ARHGAP15: variants seen among roughly 807,000 people sequenced by gnomAD.
The protein encoded by ARHGAP15 is rho GTPase-activating protein 15.
In ARHGAP15, 51 loss-of-function variants were observed where a neutral mutation model predicts 63.7. That is an observed-to-expected ratio of 0.80 (90% CI 0.64 to 1.01). The LOEUF is 1.01. Ranked by LOEUF, ARHGAP15 falls within the 50% of genes least tolerant of loss-of-function variation. The pLI is 0.00. For synonymous variants in ARHGAP15, 191 were observed against 193.8 expected (o/e 0.99, Z 0.12); for missense variants, 560 against 564.6 (o/e 0.99, Z 0.08).
At chr2:143,618,819 A>C (rs1263679156) in intron 11 of ARHGAP15, among the ~76,000 whole-genome samples, 1 of 145,102 alleles carries the variant, frequency 6.9e-6, no homozygotes, top group Non-Finnish European at 1.5e-5. Flanking sequence ...ATACAAGAGG[A>C]AAGGGGTAAA....
chr2:143,323,476 A>G (rs1684112307), intron 6 of ARHGAP15, among the ~76,000 whole-genome samples: 1 of 152,226 alleles, frequency 6.6e-6, no homozygotes, highest in African/African-American at 2.4e-5. Flanking sequence ...AGCACACAAA[A>G]CTATAAACAC....
chr2:143,679,139 G>T (rs1025868646), intron 12 of ARHGAP15, among the ~76,000 whole-genome samples: 1 of 33,476 alleles, frequency 3.0e-5, no homozygotes, highest in East Asian at 1.3e-3. Context: ...ATCCACAAAG[G>T]CTAAAAAAAA....
intron 12 of ARHGAP15, among the ~76,000 whole-genome samples, chr2:143,650,927 A>C (rs1681129748): frequency 6.6e-6 from 1 of 151,904 alleles, no homozygotes; most frequent in South Asian, 2.1e-4. Flanking sequence ...TAGGTTGTGC[A>C]TTTTTGCTGT....
At chr2:143,395,888 T>C (rs7600333) in intron 6 of ARHGAP15, among the ~76,000 whole-genome samples, 122,704 of 151,652 alleles carry the variant, frequency 0.81, 49,873 homozygotes, top group East Asian at 0.94. Flanking sequence ...AGTGAGATGC[T>C]ATTGATGGTT....
intron 11 of ARHGAP15, among the ~76,000 whole-genome samples, chr2:143,621,355 C>T (rs1299969990): frequency 1.3e-5 from 2 of 150,578 alleles, no homozygotes; most frequent in Admixed American, 6.6e-5. Flanking sequence ...TGTAATAATG[C>T]CTGTTAACAC....
intron 3 of ARHGAP15, among the ~76,000 whole-genome samples, 160 bp downstream of exon 3, chr2:143,202,362 G>A (rs747831413): frequency 2.0e-5 from 3 of 152,012 alleles, no homozygotes; most frequent in Non-Finnish European, 4.4e-5. Context: ...CTCTCAAAAC[G>A]TTGCAACAAA....
chr2:143,499,787 T>C (rs1377335435), intron 9 of ARHGAP15, among the ~76,000 whole-genome samples: 1 of 152,128 alleles, frequency 6.6e-6, no homozygotes, highest in Non-Finnish European at 1.5e-5. Flanking sequence ...AGCTCCAAAG[T>C]GCCTTATCAC....
chr2:143,429,943 C>T (rs1689308203), intron 6 of ARHGAP15, among the ~76,000 whole-genome samples: 1 of 152,072 alleles, frequency 6.6e-6, no homozygotes, highest in South Asian at 2.1e-4. Context: ...ATATAACACC[C>T]TCCATGCATA....
chr2:143,659,656 G>T (rs1436179168), intron 12 of ARHGAP15, among the ~76,000 whole-genome samples: 1 of 152,202 alleles, frequency 6.6e-6, no homozygotes, highest in East Asian at 1.9e-4. Flanking sequence ...CTAGGGGCTA[G>T]TGGAGACATT....
chr2:143,654,005 G>A (rs1289586441), intron 12 of ARHGAP15, among the ~76,000 whole-genome samples: 1 of 152,158 alleles, frequency 6.6e-6, no homozygotes, highest in African/African-American at 2.4e-5. Context: ...AATATTACGT[G>A]TATATTTAGA....
At chr2:143,279,145 A>T (rs1053905700) in intron 6 of ARHGAP15, among the ~76,000 whole-genome samples, 1 of 152,180 alleles carries the variant, frequency 6.6e-6, no homozygotes, top group Non-Finnish European at 1.5e-5. Context: ...GAAGTGGTAT[A>T]TGTAAAAGAT....
intron 6 of ARHGAP15, among the ~76,000 whole-genome samples, chr2:143,398,417 T>C (rs1183246006): frequency 2.6e-5 from 4 of 152,112 alleles, no homozygotes; most frequent in Non-Finnish European, 5.9e-5. Flanking sequence ...TGCAGTGTTG[T>C]TGATTTCCTC....
chr2:143,607,392 C>T (rs1404055100), intron 11 of ARHGAP15: 2 of 152,162 alleles, frequency 1.3e-5, no homozygotes, highest in Admixed American at 1.3e-4. Flanking sequence ...TTAGAGATGT[C>T]TTATGAGTTT....
chr2:143,200,479 A>G (rs574144368), intron 2 of ARHGAP15, among the ~76,000 whole-genome samples: 52 of 151,928 alleles, frequency 3.4e-4, no homozygotes, highest in Non-Finnish European at 6.5e-4. Context: ...AAAAACAATA[A>G]AGTCCTTTCC....
intron 11 of ARHGAP15, among the ~76,000 whole-genome samples, chr2:143,588,826 T>A (rs1574670531): frequency 6.6e-6 from 1 of 152,334 alleles, no homozygotes; most frequent in South Asian, 2.1e-4. Context: ...TCTGCCCAGT[T>A]TAAACCCTCT....
chr2:143,615,995 GGGTGCCA>G (rs1391407503), intron 11 of ARHGAP15, among the ~76,000 whole-genome samples: 1 of 152,106 alleles, frequency 6.6e-6, no homozygotes, highest in African/African-American at 2.4e-5. Context: ...AAATATATAT[GGGTGCCA>G]GGAAATACAT....
At chr2:143,421,713 T>C (rs1688924948) in intron 6 of ARHGAP15, among the ~76,000 whole-genome samples, 1 of 151,416 alleles carries the variant, frequency 6.6e-6, no homozygotes, top group African/African-American at 2.4e-5. Context: ...AATAAAACTT[T>C]TGTTTCAATT....
chr2:143,666,482 G>A (rs1282589210), intron 12 of ARHGAP15, among the ~76,000 whole-genome samples: 5 of 150,000 alleles, frequency 3.3e-5, no homozygotes, highest in African/African-American at 7.3e-5. Flanking sequence ...GAAAACCTAG[G>A]CATTACCATT....
At chr2:143,642,436 T>C (rs1680649161) in intron 12 of ARHGAP15, among the ~76,000 whole-genome samples, 1 of 151,978 alleles carries the variant, frequency 6.6e-6, no homozygotes, top group Non-Finnish European at 1.5e-5. Context: ...TTCCAAAATG[T>C]TTTCTAAAAA....
Sources: gnomAD v4.1 joint callset for allele counts (sites outside exome capture counted in the v4.1 genomes callset) on GRCh38, gnomAD v4.1.1 for gene constraint, MANE v1.5 for transcripts, NCBI Gene and HGNC (gene_info 2026-07-23, HGNC 2026-07-21) for gene names.